Variants in ACSS2 observed in about 807,000 individuals in gnomAD.
The protein encoded by ACSS2 is acyl-CoA synthetase short chain family member 2, also known as acetyl-coenzyme A synthetase, cytoplasmic.
ACSS2 carries 58 observed loss-of-function variants against 90.6 expected under a neutral mutation model. The ratio of observed to expected loss-of-function variants is 0.64; its 90% CI spans 0.52 to 0.80. ACSS2 has a LOEUF of 0.80. Ranked by LOEUF, ACSS2 falls within the 30% of genes least tolerant of loss-of-function variation. ACSS2 has a pLI of 0.00. For missense variants in ACSS2, 759 were observed against 912.0 expected (o/e 0.83, Z 2.16); for synonymous variants, 300 against 330.9 (o/e 0.91, Z 1.01).
chr20:34,877,818 CAAAAAA>C (rs60819156), intron 1 of ACSS2, among the ~76,000 whole-genome samples: 41 of 91,204 alleles, frequency 4.5e-4, no homozygotes, highest in African/African-American at 1.9e-3. Context: ...GACTTTGTCT[CAAAAAA>C]AAAAAAAAAA....
At position 34,919,437 on chromosome 20, in the gene ACSS2, C is replaced by G; in HGVS notation, c.837C>G (p.Ile279Met). ...PIKRSCPDVQISWNQGIDLWW... is the reference protein window; with the variant it reads ...PIKRSCPDVQMSWNQGIDLWW... ...TTCTTCCCTGCCCATCCCTGCAGAT[C>G]TCATGGAACCAAGGGATTGACTTGT... The change falls in exon 8 of 18, where the codon ATC (isoleucine) becomes ATG (methionine). Residue 279 changes from isoleucine (I) to methionine (M), a missense_variant and splice_region_variant. Transcript: ENST00000360596. 1.9e-6 allele frequency: 3 copies of G among 1,613,814 alleles called. No homozygotes were observed. The highest frequency in any genetic ancestry group is 2.5e-6 in the Non-Finnish European group (3 of 1,180,020).
In ACSS2 at chr20:34,914,307, C is replaced by T; in HGVS notation, c.720-16C>T. The T allele has an allele frequency of 2.5e-6, 4 of 1,610,548 alleles. No homozygotes were observed. Among genetic ancestry groups the T allele is most frequent in the Middle Eastern group, 1.7e-4 (1 of 6,042 alleles). Reference sequence around the variant, plus strand: ...GAGCCAACAAGGCTACCACTTTAGGCTTTTCTCTTCTCCAGGGGTTTCCCA... The same window carrying T: ...GAGCCAACAAGGCTACCACTTTAGGTTTTTCTCTTCTCCAGGGGTTTCCCA... On this transcript the variant is annotated splice_polypyrimidine_tract_variant and intron_variant, in intron 6 of 17. Transcript: ENST00000360596.
At chr20:34,878,393 G>A (rs1454929653) in intron 1 of ACSS2, among the ~76,000 whole-genome samples, 1 of 152,196 alleles carries the variant, frequency 6.6e-6, no homozygotes. Context: ...GCCTGTCTGA[G>A]ATTCCTTTTC....
Position 34,899,493 on chromosome 20 carries a change from TTTTG to T in ACSS2, c.375-13599_375-13596del, listed in dbSNP as rs2080589978. ...TTTCTTTTTCTTTCTTTTCTTTCTT[TTTTG>T]TTTTTTTTTGAGATGGAGTCTTGCT... On this transcript the variant is annotated intron_variant, in intron 2 of 17. Transcript: ENST00000360596. Among the ~76,000 whole-genome samples, 5 of 146,112 alleles carry T rather than the reference TTTTG, an allele frequency of 3.4e-5. No homozygotes were observed. In the South Asian group the frequency reaches 1.1e-3, roughly 32 times the overall value.
intron 1 of ACSS2, among the ~76,000 whole-genome samples, chr20:34,878,698 A>G (rs6088635): frequency 0.66 from 100,922 of 151,956 alleles, 35,024 homozygotes; most frequent in African/African-American, 0.86. Context: ...ACCAAATTCC[A>G]TCAAATACAG....
chr20:34,886,431 C>T (rs1464722721), intron 2 of ACSS2, among the ~76,000 whole-genome samples: 1 of 151,566 alleles, frequency 6.6e-6, no homozygotes, highest in Non-Finnish European at 1.5e-5. Context: ...CAAGCCTGGC[C>T]AAAATAGTGA....
At chr20:34,879,527 A>C (rs943149811) in intron 1 of ACSS2, among the ~76,000 whole-genome samples, 22 of 70,690 alleles carry the variant, frequency 3.1e-4, no homozygotes, top group Non-Finnish European at 5.0e-4. Context: ...ACACACACAC[A>C]CCCCTACCCC....
intron 1 of ACSS2, among the ~76,000 whole-genome samples, chr20:34,878,895 C>CTTTTT (rs11299664): frequency 2.9e-4 from 37 of 128,466 alleles, no homozygotes; most frequent in Non-Finnish European, 4.0e-4. Flanking sequence ...TTCTGCTTTT[C>CTTTTT]TTTTTTTTTT....
At chr20:34,926,385 A>G (rs2081318895) in intron 16 of ACSS2, 104 bp downstream of exon 16, 2 of 1,333,752 alleles carry the variant, frequency 1.5e-6, no homozygotes, top group South Asian at 2.9e-5. Flanking sequence ...CCCAAACCAC[A>G]AACAGATTCC....
chr20:34,890,947 C>CAAA (rs5841185), intron 2 of ACSS2, among the ~76,000 whole-genome samples: 12 of 109,886 alleles, frequency 1.1e-4, no homozygotes, highest in African/African-American at 2.9e-4. Context: ...TATTTGAGGC[C>CAAA]AAAAAAAAAA....
chr20:34,912,146 A>G (rs1051824990), intron 2 of ACSS2, among the ~76,000 whole-genome samples: 1 of 152,230 alleles, frequency 6.6e-6, no homozygotes, highest in Non-Finnish European at 1.5e-5. Context: ...ATACATGTAG[A>G]TAGCACATAG....
chr20:34,899,407 T>C (rs371816088), intron 2 of ACSS2, among the ~76,000 whole-genome samples: 6 of 53,666 alleles, frequency 1.1e-4, no homozygotes, highest in Non-Finnish European at 1.6e-4. Context: ...TCTTTCCTTC[T>C]TTCTTTCTTT....
chr20:34,901,645 GT>G (rs1309878002), intron 2 of ACSS2, among the ~76,000 whole-genome samples: 1 of 152,136 alleles, frequency 6.6e-6, no homozygotes, highest in Non-Finnish European at 1.5e-5. Flanking sequence ...CTTTCACATT[GT>G]TTTTTCATTT....
At chr20:34,907,211 G>A in intron 2 of ACSS2, among the ~76,000 whole-genome samples, 1 of 151,044 alleles carries the variant, frequency 6.6e-6, no homozygotes, top group Non-Finnish European at 1.5e-5. Context: ...TCCATCTCCT[G>A]GGCTCAGGTG....
chr20:34,875,272 A>C, upstream of ACSS2: 2 of 472,610 alleles, frequency 4.2e-6, no homozygotes, highest in South Asian at 3.1e-5. Flanking sequence ...ATTGTGAAGG[A>C]AAGAAGAGAA....
chr20:34,876,920 G>T (rs2079928777), intron 1 of ACSS2, 97 bp downstream of exon 1: 1 of 749,658 alleles, frequency 1.3e-6, no homozygotes, highest in Admixed American at 4.3e-5. Flanking sequence ...TGAGGGGTGG[G>T]TGAGGAGATG....
upstream of ACSS2, chr20:34,876,033 C>A (rs8115733): frequency 0.014 from 2,190 of 153,038 alleles, 53 homozygotes; most frequent in African/African-American, 0.051. Flanking sequence ...GAGGGGGGAC[C>A]TGGAGGGAAG....
intron 2 of ACSS2, among the ~76,000 whole-genome samples, chr20:34,891,119 C>T (rs1479496363): frequency 6.6e-6 from 1 of 152,176 alleles, no homozygotes; most frequent in East Asian, 1.9e-4. Flanking sequence ...GCTTGCCTCA[C>T]CTTCTCAACC....
In ACSS2 at chr20:34,923,313, C is replaced by T. The variant is rs2081242214; in HGVS notation, c.1549-10C>T. ...GCAAATGTGATCACTGTCCCTTCCT[C>T]ACTCCCCAGGTGTTCAAGCAGCCCT... On this transcript the variant is annotated splice_polypyrimidine_tract_variant and intron_variant, in intron 13 of 17. Transcript: ENST00000360596. 3.1e-6 allele frequency: 5 copies of T among 1,602,356 alleles called. No homozygotes were observed. In the East Asian group the frequency reaches 8.9e-5, roughly 29 times the overall value.
Sources: gnomAD v4.1 joint callset for allele counts (sites outside exome capture counted in the v4.1 genomes callset) on GRCh38, gnomAD v4.1.1 for gene constraint, MANE v1.5 for transcripts, NCBI Gene and HGNC (gene_info 2026-07-23, HGNC 2026-07-21) for gene names.